TBC1D5: variants seen among roughly 807,000 people sequenced by gnomAD.
TBC1D5 encodes TBC1 domain family member 5, also known as TBC1 domain family, member 5.
TBC1D5 carries 75 observed loss-of-function variants against 100.3 expected under a neutral mutation model. The observed-to-expected ratio is 0.75, with a 90% confidence interval of 0.62 to 0.91. The LOEUF is 0.91. Among genes scored for constraint, TBC1D5 ranks in the 40% least tolerant of loss-of-function variants. The pLI, the probability that TBC1D5 is intolerant of heterozygous loss-of-function variation, is 0.00. For missense variants in TBC1D5, 910 were observed against 942.4 expected, an observed-to-expected ratio of 0.97 and a Z score of 0.45; for synonymous variants, 323 against 325.6, an observed-to-expected ratio of 0.99 and a Z score of 0.09.
intron 2 of TBC1D5, among the ~76,000 whole-genome samples, chr3:17,612,489 G>A (rs1431594253): frequency 6.6e-6 from 1 of 151,836 alleles, no homozygotes; most frequent in African/African-American, 2.4e-5. Context: ...AATTAGTCGG[G>A]CATGGTGGCA....
chr3:17,338,114 G>C (rs2088228280), intron 13 of TBC1D5, among the ~76,000 whole-genome samples: 1 of 152,176 alleles, frequency 6.6e-6, no homozygotes, highest in Non-Finnish European at 1.5e-5. Context: ...ATTTTGCAGA[G>C]TTCAGGGGTC....
intron 8 of TBC1D5, among the ~76,000 whole-genome samples, chr3:17,390,488 C>T (rs1193617317): frequency 6.6e-6 from 1 of 152,036 alleles, no homozygotes; most frequent in Non-Finnish European, 1.5e-5. Flanking sequence ...AAGCATTGGG[C>T]TCAGATGAAA....
chr3:17,227,864 T>C (rs1046395202), intron 17 of TBC1D5, among the ~76,000 whole-genome samples: 12 of 152,104 alleles, frequency 7.9e-5, no homozygotes, highest in African/African-American at 2.9e-4. Flanking sequence ...TTTTTTTTTT[T>C]TTTTTAAGAA....
At chr3:17,666,895 GTATTAGAT>G (rs2067322097) in intron 1 of TBC1D5, among the ~76,000 whole-genome samples, 1 of 151,832 alleles carries the variant, frequency 6.6e-6, no homozygotes, top group African/African-American at 2.4e-5. Context: ...ACAATTACTA[GTATTAGAT>G]CTTTCGTGTT....
At chr3:17,611,849 T>G (rs909985167) in intron 2 of TBC1D5, among the ~76,000 whole-genome samples, 1 of 152,230 alleles carries the variant, frequency 6.6e-6, no homozygotes, top group African/African-American at 2.4e-5. Flanking sequence ...ATGCATTATC[T>G]CAAGTAGTTC....
At chr3:17,325,978 T>A (rs1575346052) in intron 13 of TBC1D5, among the ~76,000 whole-genome samples, 1 of 152,144 alleles carries the variant, frequency 6.6e-6, no homozygotes, top group African/African-American at 2.4e-5. Flanking sequence ...AAAACCTATA[T>A]TAATATAGTA....
At chr3:17,620,299 C>T (rs906180278) in intron 2 of TBC1D5, among the ~76,000 whole-genome samples, 4 of 152,188 alleles carry the variant, frequency 2.6e-5, no homozygotes, top group African/African-American at 9.7e-5. Flanking sequence ...CCCCTTCAAC[C>T]AGCAATCCCA....
chr3:17,199,887 G>C (rs1354843710), intron 18 of TBC1D5, among the ~76,000 whole-genome samples: 1 of 152,138 alleles, frequency 6.6e-6, no homozygotes, highest in Admixed American at 6.5e-5. Context: ...CCTCACAGAG[G>C]CAAAAATAAG....
chr3:17,484,716 T>A (rs955456962), intron 3 of TBC1D5, among the ~76,000 whole-genome samples: 1 of 152,040 alleles, frequency 6.6e-6, no homozygotes, highest in Non-Finnish European at 1.5e-5. Context: ...CACTCTGGGC[T>A]CAAGTGATCC....
intron 7 of TBC1D5, among the ~76,000 whole-genome samples, chr3:17,404,320 A>G (rs971494488): frequency 6.6e-6 from 1 of 152,042 alleles, no homozygotes; most frequent in Non-Finnish European, 1.5e-5. Context: ...TCTTCCTGCG[A>G]GTTAGCCCTA....
At chr3:17,202,754 T>C (rs2125830506) in intron 18 of TBC1D5, among the ~76,000 whole-genome samples, 1 of 152,320 alleles carries the variant, frequency 6.6e-6, no homozygotes, top group Non-Finnish European at 1.5e-5. Flanking sequence ...CCATAAACCT[T>C]GGCAGCTTTC....
At chr3:17,238,718 G>A (rs954788680) in intron 16 of TBC1D5, among the ~76,000 whole-genome samples, 3 of 152,080 alleles carry the variant, frequency 2.0e-5, no homozygotes, top group Non-Finnish European at 4.4e-5. Context: ...TCCCTTCCTG[G>A]AACTTCTAGT....
At chr3:17,163,472 T>G (rs968572810) in intron 21 of TBC1D5, among the ~76,000 whole-genome samples, 43 of 152,182 alleles carry the variant, frequency 2.8e-4, no homozygotes, top group African/African-American at 9.7e-4. Flanking sequence ...TTACAGAAGT[T>G]TTGTAAATCC....
intron 17 of TBC1D5, among the ~76,000 whole-genome samples, chr3:17,228,307 T>G (rs1422355293): frequency 6.6e-6 from 1 of 152,194 alleles, no homozygotes; most frequent in Admixed American, 6.5e-5. Flanking sequence ...CTGGCCATAG[T>G]TCTCATCTAC....
At chr3:17,188,900 A>C (rs536387316) in intron 18 of TBC1D5, among the ~76,000 whole-genome samples, 2 of 152,370 alleles carry the variant, frequency 1.3e-5, no homozygotes, top group East Asian at 3.9e-4. Flanking sequence ...GTTAATTGTT[A>C]TGTGTAACTA....
chr3:17,199,950 T>C (rs936063734), intron 18 of TBC1D5, among the ~76,000 whole-genome samples: 3 of 152,124 alleles, frequency 2.0e-5, no homozygotes, highest in South Asian at 2.1e-4. Context: ...GTGAGAAAAG[T>C]AGAGAAATGT....
chr3:17,160,675 G>T, exon 22 of TBC1D5: 1 of 371,380 alleles, frequency 2.7e-6, no homozygotes, highest in South Asian at 7.4e-5. Flanking sequence ...TTTTCTAACT[G>T]TGAGTGTGAT....
chr3:17,472,370 C>T (rs2095387391), intron 3 of TBC1D5, among the ~76,000 whole-genome samples: 2 of 152,008 alleles, frequency 1.3e-5, no homozygotes, highest in Non-Finnish European at 1.5e-5. Flanking sequence ...GATCTCTTGA[C>T]CTCATGATCC....
intron 13 of TBC1D5, among the ~76,000 whole-genome samples, chr3:17,339,632 T>G (rs1022113206): frequency 8.5e-5 from 13 of 152,238 alleles, no homozygotes; most frequent in Admixed American, 8.5e-4. Context: ...TACTGATATA[T>G]AGAAATCTAT....
Sources: allele counts gnomAD v4.1 joint callset (sites outside exome capture counted in the v4.1 genomes callset), GRCh38; gene constraint gnomAD v4.1.1; transcripts MANE v1.5; gene names NCBI Gene and HGNC (gene_info 2026-07-23, HGNC 2026-07-21).